The following FBXW7 variants were observed in gnomAD, a reference collection of about 807,000 sequenced individuals.
The protein encoded by FBXW7 is F-box and WD repeat domain containing 7, also known as F-box/WD repeat-containing protein 7.
In FBXW7, 11 loss-of-function variants were observed where a neutral mutation model predicts 86.3. That is an observed-to-expected ratio of 0.13 (90% CI 0.08 to 0.21). The LOEUF (loss-of-function observed/expected upper bound fraction) is 0.21, where lower values mean the gene tolerates loss of function less well. FBXW7 is among the 10% of genes least tolerant of loss of function. The pLI, the probability that FBXW7 is intolerant of heterozygous loss-of-function variation, is 1.00. For missense variants in FBXW7, 488 were observed against 847.4 expected (o/e 0.58, Z 5.27); for synonymous variants, 313 against 297.9 (o/e 1.05, Z -0.52).
At chr4:152,393,616 G>A (rs1736175509) in intron 4 of FBXW7, among the ~76,000 whole-genome samples, 3 of 152,098 alleles carry the variant, frequency 2.0e-5, no homozygotes, top group Admixed American at 2.0e-4. Context: ...AACTTATAAT[G>A]TAGTCTTATA....
intron 2 of FBXW7, among the ~76,000 whole-genome samples, chr4:152,468,642 A>G (rs1743667033): frequency 6.6e-6 from 1 of 152,154 alleles, no homozygotes; most frequent in Non-Finnish European, 1.5e-5. Context: ...ACCTAAGATT[A>G]CAAAGTACTG....
At chr4:152,448,333 G>A (rs1741596216) in intron 2 of FBXW7, among the ~76,000 whole-genome samples, 1 of 152,146 alleles carries the variant, frequency 6.6e-6, no homozygotes, top group African/African-American at 2.4e-5. Flanking sequence ...TCTACTGCAA[G>A]GTCAAGAAAA....
intron 7 of FBXW7, among the ~76,000 whole-genome samples, chr4:152,335,919 T>C (rs1430766469): frequency 6.6e-6 from 1 of 152,214 alleles, no homozygotes; most frequent in Non-Finnish European, 1.5e-5. Flanking sequence ...AGTGTGAAAT[T>C]AGTGAGACTT....
intron 2 of FBXW7, among the ~76,000 whole-genome samples, chr4:152,423,395 G>A (rs1299677807): frequency 6.6e-6 from 1 of 152,076 alleles, no homozygotes; most frequent in Non-Finnish European, 1.5e-5. Flanking sequence ...ATATTTGACA[G>A]TAAAAACTTT....
At position 152,389,287 on chromosome 4, in the gene FBXW7, C is replaced by G. The variant is rs181292210; in HGVS notation, c.501+22016G>C. Among the ~76,000 whole-genome samples, 13 of 152,068 alleles carry G rather than the reference C, an allele frequency of 8.5e-5. No homozygotes were observed. In the East Asian group the frequency reaches 1.7e-3, roughly 20 times the overall value. ...ATCCAGCAATCCCACTACTGGGCAT[C>G]TACCCAAAAGAAAAGAAATCATTAT... On this transcript the variant is annotated intron_variant, in intron 4 of 13. Coordinates refer to ENST00000281708, the MANE Select transcript of FBXW7 (RefSeq NM_001349798.2).
chr4:152,368,924 G>A (rs757068267), intron 4 of FBXW7, among the ~76,000 whole-genome samples: 21 of 151,902 alleles, frequency 1.4e-4, no homozygotes, highest in African/African-American at 3.6e-4. Context: ...TATGATAGTC[G>A]CACTGAATGA....
intron 2 of FBXW7, among the ~76,000 whole-genome samples, chr4:152,478,548 T>G (rs77535930): frequency 0.014 from 2,082 of 152,216 alleles, 26 homozygotes; most frequent in Middle Eastern, 0.037. Flanking sequence ...ATCCAGTTTG[T>G]GTCCCTTCTT....
At chr4:152,503,672 G>A (rs1048244485) in intron 2 of FBXW7, among the ~76,000 whole-genome samples, 6 of 151,880 alleles carry the variant, frequency 4.0e-5, no homozygotes, top group African/African-American at 1.5e-4. Flanking sequence ...ATCAAGAGTG[G>A]CATAGATATT....
At chr4:152,425,504 C>A (rs993331363) in intron 2 of FBXW7, among the ~76,000 whole-genome samples, 3 of 152,100 alleles carry the variant, frequency 2.0e-5, no homozygotes, top group African/African-American at 7.2e-5. Context: ...TTAAGTATAA[C>A]TCCTAAACTC....
intron 4 of FBXW7, among the ~76,000 whole-genome samples, chr4:152,398,119 T>A (rs1736583829): frequency 6.6e-6 from 1 of 152,016 alleles, no homozygotes; most frequent in East Asian, 1.9e-4. Flanking sequence ...TATCTGACAG[T>A]GCACATAATT....
At chr4:152,443,019 T>C (rs756695245) in intron 2 of FBXW7, among the ~76,000 whole-genome samples, 3 of 152,112 alleles carry the variant, frequency 2.0e-5, no homozygotes, top group African/African-American at 7.2e-5. Flanking sequence ...TCCCACCACT[T>C]TGGGAGGCCG....
chr4:152,453,768 T>C (rs1222552068), intron 2 of FBXW7, among the ~76,000 whole-genome samples: 2 of 152,198 alleles, frequency 1.3e-5, no homozygotes, highest in Non-Finnish European at 2.9e-5. Context: ...ATTTGAATTT[T>C]TTCAGCATGT....
At chr4:152,523,045 A>G (rs1006702845) in intron 2 of FBXW7, among the ~76,000 whole-genome samples, 3 of 152,266 alleles carry the variant, frequency 2.0e-5, no homozygotes, top group African/African-American at 7.2e-5. Context: ...TTGAAAGTTC[A>G]CAAACTCAAT....
intron 2 of FBXW7, among the ~76,000 whole-genome samples, chr4:152,447,500 A>G (rs980697764): frequency 6.6e-6 from 1 of 152,242 alleles, no homozygotes; most frequent in Non-Finnish European, 1.5e-5. Flanking sequence ...TTTTACAGTT[A>G]GCAATATTCC....
Position 152,362,074 on chromosome 4 carries a change from T to C in FBXW7, c.502-11950A>G, listed in dbSNP as rs1456684056. Among the ~76,000 whole-genome samples the C allele has an allele frequency of 2.0e-5, 3 of 151,886 alleles. No individual in the cohort carries two copies. The South Asian group carries it at 6.2e-4, about 32-fold the overall frequency. On this transcript the variant is annotated intron_variant, in intron 4 of 13. Coordinates refer to ENST00000281708, the MANE Select transcript of FBXW7 (RefSeq NM_001349798.2). ...TAAAAACTCCTTTATGTGGAATGAATATCATAAGTTTCCCACCAGTTGCAT... is the reference window on the plus strand; with the variant it reads ...TAAAAACTCCTTTATGTGGAATGAACATCATAAGTTTCCCACCAGTTGCAT...
At chr4:152,509,145 C>T (rs1747726024) in intron 2 of FBXW7, among the ~76,000 whole-genome samples, 1 of 152,094 alleles carries the variant, frequency 6.6e-6, no homozygotes, top group Admixed American at 6.5e-5. Flanking sequence ...TAAAATACAA[C>T]ACGTGAATAA....
intron 2 of FBXW7, among the ~76,000 whole-genome samples, chr4:152,483,498 T>C (rs1664649637): frequency 2.0e-5 from 3 of 150,712 alleles, no homozygotes; most frequent in Admixed American, 2.0e-4. Flanking sequence ...AGCCCAGGAG[T>C]CCAAGACCAG....
In FBXW7 at chr4:152,322,130, T is replaced by C. The variant is rs952733029; in HGVS notation, c.*751A>G. 3 of 233,192 alleles carry C rather than the reference T, an allele frequency of 1.3e-5. No individual in the cohort carries two copies. The Admixed American group carries it at 1.7e-4, about 13-fold the overall frequency. 14.4% of individuals were successfully genotyped at this position (233,192 alleles called of 1,614,324 possible). ...GGCCACTGGGAGTACAGTACAGGGT[T>C]GGGACAACAATCCCATATTTGAAGA... On this transcript the variant is annotated 3_prime_UTR_variant, in exon 14 of 14. Transcript: ENST00000281708.
At chr4:152,440,562 T>C (rs1249742765) in intron 2 of FBXW7, among the ~76,000 whole-genome samples, 1 of 152,244 alleles carries the variant, frequency 6.6e-6, no homozygotes, top group Admixed American at 6.5e-5. Context: ...TTACCTGAAA[T>C]TTTGTTTTAC....
Sources: allele counts gnomAD v4.1 joint callset (sites outside exome capture counted in the v4.1 genomes callset), GRCh38; gene constraint gnomAD v4.1.1; transcripts MANE v1.5; gene names NCBI Gene and HGNC (gene_info 2026-07-23, HGNC 2026-07-21).